SLC10A2: variants seen among roughly 807,000 people sequenced by gnomAD.
SLC10A2 encodes solute carrier family 10 member 2.
SLC10A2 carries 34 observed loss-of-function variants against 27.1 expected under a neutral mutation model. That is an observed-to-expected ratio of 1.26 (90% CI 0.96 to 1.67). The LOEUF (loss-of-function observed/expected upper bound fraction) is 1.67, where lower values mean the gene tolerates loss of function less well. Ranked by LOEUF, SLC10A2 falls within the 40% of genes most tolerant of loss-of-function variation. The pLI is 0.00. For missense variants in SLC10A2, 530 were observed against 444.4 expected, an observed-to-expected ratio of 1.19 and a Z score of -1.73; for synonymous variants, 205 against 174.0, an observed-to-expected ratio of 1.18 and a Z score of -1.40.
intron 5 of SLC10A2, among the ~76,000 whole-genome samples, chr13:103,048,062 G>A (rs1052850233): frequency 6.6e-6 from 1 of 152,180 alleles, no homozygotes; most frequent in Non-Finnish European, 1.5e-5. Flanking sequence ...CAGTAGTGCA[G>A]AGGAGATCAG....
chr13:103,049,692 G>A (rs3753007), intron 4 of SLC10A2, among the ~76,000 whole-genome samples: 2,326 of 152,186 alleles, frequency 0.015, 24 homozygotes, highest in East Asian at 0.05. Flanking sequence ...CATATGAAGA[G>A]TTGGCTCATT....
chr13:103,053,835 G>T (rs1875859075), intron 2 of SLC10A2, among the ~76,000 whole-genome samples: 1 of 150,348 alleles, frequency 6.7e-6, no homozygotes, highest in Non-Finnish European at 1.5e-5. Flanking sequence ...ATTAAATAAT[G>T]ACTAAGGGTA....
chr13:103,050,090 A>G (rs1018283651), intron 4 of SLC10A2, among the ~76,000 whole-genome samples: 2 of 152,198 alleles, frequency 1.3e-5, no homozygotes, highest in Non-Finnish European at 2.9e-5. Flanking sequence ...CCAAGGCTTC[A>G]GTGAGCTATG....
chr13:103,048,885 T>C (rs1875687653), intron 5 of SLC10A2, among the ~76,000 whole-genome samples: 1 of 152,234 alleles, frequency 6.6e-6, no homozygotes, highest in South Asian at 2.1e-4. Context: ...ATTTTCTTTG[T>C]ATACCAGTTT....
intron 4 of SLC10A2, among the ~76,000 whole-genome samples, chr13:103,050,306 G>T (rs1207765746): frequency 6.6e-6 from 1 of 152,162 alleles, no homozygotes; most frequent in Non-Finnish European, 1.5e-5. Context: ...GCAAGCCCAG[G>T]TCTGCCTGAC....
rs1384156638 is a variant in SLC10A2, at chr13:103,045,051, A to G, written c.*1082T>C. ...ACTGTTTAATACTCATTTCCTGATCACTCTCGGACTTGATTCTTCTTATAC... is the reference window on the plus strand; with the variant it reads ...ACTGTTTAATACTCATTTCCTGATCGCTCTCGGACTTGATTCTTCTTATAC... On this transcript the variant is annotated 3_prime_UTR_variant, in exon 6 of 6. Coordinates refer to ENST00000245312, the MANE Select transcript of SLC10A2 (RefSeq NM_000452.3). 4 of 151,646 alleles carry G rather than the reference A, an allele frequency of 2.6e-5. No individual in the cohort carries two copies. The allele number at this position is 151,646 out of a possible 1,614,324, so 9.4% of individuals were successfully genotyped here. A position where few individuals can be genotyped will look rare whatever the true frequency, so the allele number is the denominator to read the frequency against.
chr13:103,050,757 T>C lies in SLC10A2; in HGVS notation c.761+500A>G, dbSNP rs1284999458. Among the ~76,000 whole-genome samples the C allele has an allele frequency of 5.3e-5, 8 of 152,296 alleles. No individual in the cohort carries two copies. In the East Asian group the frequency reaches 1.3e-3, roughly 26 times the overall value. The stretch of plus-strand genomic sequence containing the variant: ...ATATTCAGAAATAGGATGAATGTGA[T>C]TGATGAAGGGCTAAGGATTTTGATC... On this transcript the variant is annotated intron_variant, in intron 4 of 5. Coordinates refer to ENST00000245312, the MANE Select transcript of SLC10A2 (RefSeq NM_000452.3).
intron 1 of SLC10A2, among the ~76,000 whole-genome samples, chr13:103,058,920 T>A (rs1373486526): frequency 6.6e-6 from 1 of 152,194 alleles, no homozygotes; most frequent in Non-Finnish European, 1.5e-5. Context: ...GGTGGACATA[T>A]GTGTGCATGT....
chr13:103,054,988 A>G (rs1241106049), intron 2 of SLC10A2, among the ~76,000 whole-genome samples: 1 of 152,184 alleles, frequency 6.6e-6, no homozygotes, highest in Non-Finnish European at 1.5e-5. Flanking sequence ...AAGTTTACAC[A>G]GTAGATATCA....
intron 2 of SLC10A2, among the ~76,000 whole-genome samples, chr13:103,055,363 G>A (rs1875909705): frequency 6.6e-6 from 1 of 152,180 alleles, no homozygotes; most frequent in Non-Finnish European, 1.5e-5. Flanking sequence ...GTCAGCATCT[G>A]AGGGGGCTCA....
intron 1 of SLC10A2, 32 bp from the exon 2 acceptor site, chr13:103,058,414 C>G (rs200402086): frequency 2.0e-5 from 25 of 1,255,544 alleles, no homozygotes; most frequent in Non-Finnish European, 2.9e-5. Flanking sequence ...GATACATCCA[C>G]CTGTGGTGTT....
At chr13:103,056,002 A>T (rs140833101) in intron 2 of SLC10A2, among the ~76,000 whole-genome samples, 1 of 152,240 alleles carries the variant, frequency 6.6e-6, no homozygotes, top group African/African-American at 2.4e-5. Flanking sequence ...AAAGTTTTAA[A>T]TTATTAGCCA....
At chr13:103,062,297 C>T (rs1234007843) in intron 1 of SLC10A2, among the ~76,000 whole-genome samples, 1 of 152,086 alleles carries the variant, frequency 6.6e-6, no homozygotes, top group Non-Finnish European at 1.5e-5. Context: ...AGTGGGTAGA[C>T]CTGGGTGATT....
At chr13:103,051,144 T>G (rs1566511406) in intron 4 of SLC10A2, 113 bp downstream of exon 4, 2 of 973,624 alleles carry the variant, frequency 2.1e-6, no homozygotes, top group African/African-American at 1.6e-5. Flanking sequence ...AGACAATAAG[T>G]GTCTGTTGTT....
At chr13:103,065,031 G>A (rs1306925754) in intron 1 of SLC10A2, among the ~76,000 whole-genome samples, 1 of 152,184 alleles carries the variant, frequency 6.6e-6, no homozygotes, top group African/African-American at 2.4e-5. Context: ...ATTAGCACCT[G>A]GATGGTTTGC....
At chr13:103,057,138 G>T (rs1248592087) in intron 2 of SLC10A2, among the ~76,000 whole-genome samples, 3 of 152,066 alleles carry the variant, frequency 2.0e-5, no homozygotes, top group African/African-American at 7.2e-5. Flanking sequence ...CAGCTCATTG[G>T]GATTTTTTTC....
intron 1 of SLC10A2, among the ~76,000 whole-genome samples, chr13:103,064,220 C>G (rs1425351723): frequency 6.6e-6 from 1 of 151,872 alleles, no homozygotes; most frequent in Non-Finnish European, 1.5e-5. Flanking sequence ...AGGTTTCTAC[C>G]AAAGCTTCAT....
rs138949597 is a variant in SLC10A2 at position 103,065,951 on chromosome 13, A to G, written c.299T>C (p.Val100Ala). ...TCCAGGGCAGCATCCTATAATGAGC[A>G]CCACTACGGCCTGGAGCGGGAGGAT... Reference protein sequence around the residue: ...FDILPLQAVVVLIIGCCPGGT... With the variant: ...FDILPLQAVVALIIGCCPGGT... The change falls in exon 1 of 6, where the codon GTG becomes GCG. Residue 100 changes from valine (V) to alanine (A), a missense_variant. By Grantham distance (64) the Val-to-Ala change is moderately conservative. Coordinates refer to ENST00000245312, the MANE Select transcript of SLC10A2 (RefSeq NM_000452.3). The G allele has an allele frequency of 1.5e-4, 239 of 1,614,082 alleles. 1 individual carries two copies. Among genetic ancestry groups the G allele is most frequent in the South Asian group, 6.3e-4 (57 of 91,090 alleles).
At position 103,053,215 on chromosome 13, in the gene SLC10A2, G is replaced by T. The variant is rs555040594; in HGVS notation, c.497-507C>A. Among the ~76,000 whole-genome samples, 35 of 151,978 alleles carry T rather than the reference G, an allele frequency of 2.3e-4. No individual in the cohort carries two copies. In the South Asian group the frequency reaches 5.4e-3, roughly 24 times the overall value. On this transcript the variant is annotated intron_variant, in intron 2 of 5. Transcript: ENST00000245312. ...AATTTTAAAATATTTTAAAATGAAA[G>T]AAAATGTCCAAAATTAGCTCAAGAT...
Sources: allele counts gnomAD v4.1 joint callset (sites outside exome capture counted in the v4.1 genomes callset), GRCh38; gene constraint gnomAD v4.1.1; transcripts MANE v1.5; gene names NCBI Gene and HGNC (gene_info 2026-07-23, HGNC 2026-07-21).